The following TTC28 variants were observed in gnomAD, a reference collection of about 807,000 sequenced individuals.
TTC28 encodes tetratricopeptide repeat domain 28, also known as tetratricopeptide repeat protein 28.
Under a neutral mutation model 198.0 loss-of-function variants are expected in TTC28, and 61 were observed. The observed-to-expected ratio is 0.31, with a 90% CI of 0.25 to 0.38. The LOEUF (loss-of-function observed/expected upper bound fraction) is 0.38. TTC28 is among the 10% of genes least tolerant of loss of function. The pLI is 1.00. For missense variants in TTC28, 2,678 were observed against 3,164.0 expected, an observed-to-expected ratio of 0.85 and a Z score of 3.69; for synonymous variants, 1,171 against 1,297.8, an observed-to-expected ratio of 0.90 and a Z score of 2.10.
rs572551823 is a variant in TTC28, at chr22:27,993,530, T to A, written c.5245-12A>T. 8 of 1,534,436 alleles carry A rather than the reference T, an allele frequency of 5.2e-6. No homozygotes were observed. On this transcript the variant is annotated splice_polypyrimidine_tract_variant and intron_variant, in intron 17 of 22. Coordinates refer to ENST00000397906, the MANE Select transcript of TTC28 (RefSeq NM_001145418.2). The stretch of plus-strand genomic sequence containing the variant: ...AGGGATTTCTCCACCTGAGGGGGAA[T>A]TGGGGGTGAGTCAGAGACCCAGGCC...
chr22:28,676,329 G>A (rs2051989569), intron 1 of TTC28, among the ~76,000 whole-genome samples: 1 of 152,170 alleles, frequency 6.6e-6, no homozygotes, highest in Non-Finnish European at 1.5e-5. Flanking sequence ...CAGAAAGTAG[G>A]CTAGTTATTG....
chr22:28,662,527 T>C lies in TTC28; in HGVS notation c.102+17095A>G, dbSNP rs553041814. 2.6e-5 allele frequency among the ~76,000 whole-genome samples: 4 copies of C among 152,300 alleles called. No individual in the cohort carries two copies. In the East Asian group the frequency reaches 7.7e-4, roughly 29 times the overall value. On this transcript the variant is annotated intron_variant, in intron 1 of 22. Transcript: ENST00000397906. ...CTTCATAAAGTTGTGAGAATTAAAT[T>C]AGTTAATATATGTAAAGTATTTAAA... is the stretch of plus-strand genomic sequence containing the variant.
rs183045466 is a variant in TTC28, at chr22:28,573,345, C to T, written c.381+56207G>A. 3.5e-3 allele frequency among the ~76,000 whole-genome samples: 514 copies of T among 148,472 alleles called. 9 individuals carry two copies. The highest frequency in any genetic ancestry group is 0.028 in the Admixed American group (422 of 14,812). On this transcript the variant is annotated intron_variant, in intron 2 of 22. Coordinates refer to ENST00000397906, the MANE Select transcript of TTC28 (RefSeq NM_001145418.2). ...TGGCATGCGTGTAGTCCCAGCTACTCGGGGAGGCTGAGGCAGGAGAATCAC... is the reference window on the plus strand; with the variant it reads ...TGGCATGCGTGTAGTCCCAGCTACTTGGGGAGGCTGAGGCAGGAGAATCAC...
chr22:28,407,371 C>T (rs2047012943), intron 2 of TTC28, among the ~76,000 whole-genome samples: 1 of 152,194 alleles, frequency 6.6e-6, no homozygotes, highest in African/African-American at 2.4e-5. Flanking sequence ...CTCTACTGAA[C>T]AAAGGCCTTT....
Position 28,630,046 on chromosome 22 carries a change from T to C in TTC28, c.103-216A>G, listed in dbSNP as rs548206118. 2.6e-5 allele frequency among the ~76,000 whole-genome samples: 4 copies of C among 152,132 alleles called. No individual in the cohort carries two copies. The East Asian group carries it at 7.8e-4, about 30-fold the overall frequency. ...GGGGGTGAGGGAATTCTTACTCTAT[T>C]ATTTCCAGTGAGAGCCGGTTGTTAA... On this transcript the variant is annotated intron_variant, in intron 1 of 22. Transcript: ENST00000397906.
At chr22:28,539,976 A>ACTCTGT (rs2049377389) in intron 2 of TTC28, among the ~76,000 whole-genome samples, 1 of 116,604 alleles carries the variant, frequency 8.6e-6, no homozygotes, top group African/African-American at 3.4e-5. Context: ...ACAGGGTCTC[A>ACTCTGT]CTCTGTCGCC....
chr22:28,204,836 T>C (rs543153891), intron 5 of TTC28, among the ~76,000 whole-genome samples: 1 of 152,252 alleles, frequency 6.6e-6, no homozygotes, highest in South Asian at 2.1e-4. Context: ...AACACAGCCA[T>C]GTATCTATGC....
chr22:27,999,176 C>T lies in TTC28; in HGVS notation c.4483G>A (p.Val1495Met), dbSNP rs779585702. 17 of 1,550,660 alleles carry T rather than the reference C, an allele frequency of 1.1e-5. No individual in the cohort carries two copies. In the Admixed American group the frequency reaches 1.8e-4, roughly 16 times the overall value. Residue 1495 changes from valine to methionine, a missense_variant, in exon 16 of 23, where the codon GTG becomes ATG. Around this residue, in one of 8 missense-constraint regions of TTC28, gnomAD observed 727 missense variants for 861.9 expected, o/e 0.84. Transcript: ENST00000397906. The stretch of plus-strand genomic sequence containing the variant: ...GGCCCCCACAGCCACCTGTCCATCA[C>T]GGCCGATGGTAGCTTGGGGTTGCCG... The part of the protein sequence containing the change: ...VIGNPKLPSA[V>M]MDRWLWGPMP...
intron 2 of TTC28, among the ~76,000 whole-genome samples, chr22:28,308,424 A>T (rs1455248934): frequency 6.6e-6 from 1 of 152,208 alleles, no homozygotes; most frequent in Non-Finnish European, 1.5e-5. Flanking sequence ...TTATTAAGAG[A>T]CACAAAAAAT....
At chr22:28,662,183 C>A (rs559991154) in intron 1 of TTC28, among the ~76,000 whole-genome samples, 1 of 152,228 alleles carries the variant, frequency 6.6e-6, no homozygotes, top group East Asian at 1.9e-4. Flanking sequence ...GAGACAAATT[C>A]CAGAATGGTG....
chr22:28,331,689 T>C (rs190246003), intron 2 of TTC28, among the ~76,000 whole-genome samples: 5 of 152,268 alleles, frequency 3.3e-5, no homozygotes, highest in Non-Finnish European at 1.5e-5. Context: ...TTAAACTCAG[T>C]GTCTTTCAAA....
chr22:28,373,698 T>C (rs2046369931), intron 2 of TTC28, among the ~76,000 whole-genome samples: 1 of 152,136 alleles, frequency 6.6e-6, no homozygotes, highest in Non-Finnish European at 1.5e-5. Context: ...TATACGAAGT[T>C]TACAGAGTGA....
At position 27,983,540 on chromosome 22, in the gene TTC28, G is replaced by A. The variant is rs1161616778; in HGVS notation, c.6127C>T (p.Pro2043Ser). 3 of 1,551,370 alleles carry A rather than the reference G, an allele frequency of 1.9e-6. No homozygotes were observed. The highest frequency in any genetic ancestry group is 2.4e-5 in the South Asian group (2 of 84,020). ...RSTLPRSQLPPQTRPAGNKDE... is the reference protein window; with the variant it reads ...RSTLPRSQLPSQTRPAGNKDE... ...TTGTTGCCTGCAGGGCGGGTCTGGG[G>A]AGGCAGCTGGCTCCTAGGCAGGGTG... Residue 2043 changes from proline (P) to serine (S), a missense_variant, in exon 23 of 23, where the codon CCC (proline) becomes TCC (serine). Coordinates refer to ENST00000397906, the MANE Select transcript of TTC28 (RefSeq NM_001145418.2).
intron 12 of TTC28, among the ~76,000 whole-genome samples, chr22:28,066,207 T>A (rs1014030503): frequency 2.6e-5 from 4 of 152,130 alleles, no homozygotes; most frequent in Admixed American, 2.0e-4. Flanking sequence ...GATATATGTA[T>A]ATACTGTAAA....
rs967022243 is a variant in TTC28, at chr22:28,102,809, T to C, written c.3308-1529A>G. Among the ~76,000 whole-genome samples, 6 of 152,238 alleles carry C rather than the reference T, an allele frequency of 3.9e-5. No individual in the cohort carries two copies. In the East Asian group the frequency reaches 1.2e-3, roughly 29 times the overall value. ...TAACTCAGAAAACTTAGAAACATTT[T>C]AAGTCATGTTATTGGATAGCAAAAA... On this transcript the variant is annotated intron_variant, in intron 8 of 22. Coordinates refer to ENST00000397906, the MANE Select transcript of TTC28 (RefSeq NM_001145418.2).
chr22:28,317,478 A>G (rs2045370771), intron 2 of TTC28, among the ~76,000 whole-genome samples: 1 of 152,312 alleles, frequency 6.6e-6, no homozygotes, highest in Middle Eastern at 3.4e-3. Flanking sequence ...TTTATTCCCA[A>G]TGTCAGTTAA....
intron 6 of TTC28, among the ~76,000 whole-genome samples, chr22:28,110,685 G>A (rs377099384): frequency 4.6e-5 from 7 of 152,154 alleles, no homozygotes; most frequent in African/African-American, 9.6e-5. Context: ...CCTATAACCC[G>A]GCACTTTGGA....
intron 2 of TTC28, among the ~76,000 whole-genome samples, chr22:28,485,389 TATAA>T (rs1365802067): frequency 3.9e-5 from 6 of 152,200 alleles, no homozygotes; most frequent in Non-Finnish European, 8.8e-5. Context: ...TTAATCTTAG[TATAA>T]ATATATAAAC....
chr22:28,062,224 A>AT (rs1569114439), intron 12 of TTC28, among the ~76,000 whole-genome samples: 4 of 151,494 alleles, frequency 2.6e-5, no homozygotes, highest in African/African-American at 7.3e-5. Flanking sequence ...TGCCTGGCTA[A>AT]TTTTTTTGGA....
Sources: allele counts gnomAD v4.1 joint callset (sites outside exome capture counted in the v4.1 genomes callset), GRCh38; gene constraint gnomAD v4.1.1; regional missense constraint gnomAD v4.1.1; transcripts MANE v1.5; gene names NCBI Gene and HGNC (gene_info 2026-07-23, HGNC 2026-07-21).